The following GALNT13 variants were observed in gnomAD, a reference collection of about 807,000 sequenced individuals.
The protein encoded by GALNT13 is polypeptide N-acetylgalactosaminyltransferase 13.
In GALNT13, 28 loss-of-function variants were observed where a neutral mutation model predicts 64.2. The observed-to-expected ratio is 0.44, with a 90% CI of 0.32 to 0.60. GALNT13 has a LOEUF of 0.60. GALNT13 is among the 20% of genes least tolerant of loss of function. GALNT13 has a pLI of 0.05. For synonymous variants in GALNT13, 214 were observed against 224.6 expected (o/e 0.95, Z 0.42); for missense variants, 577 against 669.8 (o/e 0.86, Z 1.53).
chr2:153,439,247 G>T, the GALNT13 span, among the ~76,000 whole-genome samples: 1 of 152,196 alleles, frequency 6.6e-6, no homozygotes, highest in Non-Finnish European at 1.5e-5. Flanking sequence ...GTGGCTCCCA[G>T]TTAGGCTCCT....
chr2:154,043,455 T>TACACACATACAC (rs1699116564), intron 3 of GALNT13, among the ~76,000 whole-genome samples: 1 of 105,020 alleles, frequency 9.5e-6, no homozygotes, highest in Non-Finnish European at 1.8e-5. Context: ...TATATATATA[T>TACACACATACAC]ACACACATGT....
chr2:154,228,057 T>A (rs980273315), intron 4 of GALNT13, among the ~76,000 whole-genome samples: 1 of 152,110 alleles, frequency 6.6e-6, no homozygotes. Context: ...GTTTGCTGGC[T>A]GAAGATTCAT....
At chr2:153,493,503 C>A in the GALNT13 span, among the ~76,000 whole-genome samples, 14 of 152,038 alleles carry the variant, frequency 9.2e-5, no homozygotes, top group South Asian at 8.3e-4. Context: ...AAAAAGCCTT[C>A]TTACTCAGAA....
At chr2:153,908,030 C>A (rs538928169) in intron 2 of GALNT13, among the ~76,000 whole-genome samples, 1 of 152,138 alleles carries the variant, frequency 6.6e-6, no homozygotes, top group Non-Finnish European at 1.5e-5. Flanking sequence ...CACCAGCAAG[C>A]AGTGTGTAAG....
At chr2:154,225,025 G>A (rs1457596114) in intron 4 of GALNT13, among the ~76,000 whole-genome samples, 2 of 151,666 alleles carry the variant, frequency 1.3e-5, no homozygotes, top group Non-Finnish European at 1.5e-5. Context: ...TTCAAAGCAA[G>A]ACAAGCAAAT....
the GALNT13 span, among the ~76,000 whole-genome samples, chr2:153,320,902 C>G: frequency 4.6e-5 from 7 of 152,056 alleles, no homozygotes; most frequent in Non-Finnish European, 1.0e-4. Flanking sequence ...ATCTTTTAAC[C>G]CATTCAATTA....
chr2:154,323,009 C>G (rs1183782816), intron 9 of GALNT13, among the ~76,000 whole-genome samples: 1 of 151,878 alleles, frequency 6.6e-6, no homozygotes, highest in East Asian at 1.9e-4. Flanking sequence ...TTTAAAGGAA[C>G]CTGGCTTCCC....
At chr2:153,361,213 G>T in the GALNT13 span, among the ~76,000 whole-genome samples, 1 of 152,150 alleles carries the variant, frequency 6.6e-6, no homozygotes, top group East Asian at 1.9e-4. Context: ...ACATCCGAGG[G>T]TCAGCAGCCT....
At chr2:154,010,392 T>C (rs1696551440) in intron 3 of GALNT13, among the ~76,000 whole-genome samples, 1 of 152,218 alleles carries the variant, frequency 6.6e-6, no homozygotes, top group South Asian at 2.1e-4. Flanking sequence ...TGAATCACAT[T>C]TATTAATTTG....
chr2:153,079,288 T>C, the GALNT13 span, among the ~76,000 whole-genome samples: 2 of 152,024 alleles, frequency 1.3e-5, no homozygotes, highest in Non-Finnish European at 2.9e-5. Flanking sequence ...GTTAGAAAAA[T>C]TTTTAAAGTT....
At chr2:153,775,277 G>A in the GALNT13 span, among the ~76,000 whole-genome samples, 9 of 151,882 alleles carry the variant, frequency 5.9e-5, no homozygotes, top group African/African-American at 2.2e-4. Context: ...GCATTCATTT[G>A]GATACCATAC....
At chr2:154,055,594 G>T (rs750251921) in intron 3 of GALNT13, among the ~76,000 whole-genome samples, 23 of 152,114 alleles carry the variant, frequency 1.5e-4, no homozygotes, top group Middle Eastern at 6.8e-3. Flanking sequence ...TATAATTTTA[G>T]GGGAGAAAGC....
the GALNT13 span, among the ~76,000 whole-genome samples, chr2:153,119,353 C>G: frequency 2.6e-5 from 4 of 151,948 alleles, no homozygotes; most frequent in African/African-American, 9.7e-5. Flanking sequence ...TACTAGAACC[C>G]TAAATTAATC....
the GALNT13 span, among the ~76,000 whole-genome samples, chr2:153,543,213 C>T: frequency 9.2e-5 from 14 of 152,156 alleles, no homozygotes; most frequent in South Asian, 2.1e-4. Context: ...AACAGTTGAA[C>T]AGAGGAAATG....
intron 8 of GALNT13, among the ~76,000 whole-genome samples, chr2:154,290,676 A>C (rs1692560051): frequency 6.6e-6 from 1 of 152,222 alleles, no homozygotes; most frequent in South Asian, 2.1e-4. Flanking sequence ...TGTTGTGTCC[A>C]GAATTGGTGG....
At chr2:154,197,191 G>A (rs2105770274) in intron 4 of GALNT13, among the ~76,000 whole-genome samples, 1 of 151,994 alleles carries the variant, frequency 6.6e-6, no homozygotes, top group South Asian at 2.1e-4. Flanking sequence ...ACTCCAGCCT[G>A]GGCAACAAGA....
intron 8 of GALNT13, among the ~76,000 whole-genome samples, chr2:154,280,121 G>C (rs1020617696): frequency 6.6e-6 from 1 of 152,124 alleles, no homozygotes; most frequent in Non-Finnish European, 1.5e-5. Context: ...TAAAAGCCAG[G>C]AGAAAGGCAT....
chr2:154,217,750 A>C (rs916293371), intron 4 of GALNT13, among the ~76,000 whole-genome samples: 6 of 152,226 alleles, frequency 3.9e-5, no homozygotes, highest in Non-Finnish European at 7.3e-5. Flanking sequence ...TAAAAAGAAA[A>C]TAAATTAAAA....
chr2:154,176,465 G>A (rs568289935), intron 4 of GALNT13, among the ~76,000 whole-genome samples: 2 of 151,818 alleles, frequency 1.3e-5, no homozygotes, highest in Non-Finnish European at 1.5e-5. Context: ...TGCTAGCCAG[G>A]ATGGTCTCGA....
Sources: allele counts gnomAD v4.1 joint callset (sites outside exome capture counted in the v4.1 genomes callset), GRCh38; gene constraint gnomAD v4.1.1; transcripts MANE v1.5; gene names NCBI Gene and HGNC (gene_info 2026-07-23, HGNC 2026-07-21).